DSCAML1: variants seen among roughly 807,000 people sequenced by gnomAD.
DSCAML1 encodes cell adhesion molecule DSCAML1.
In DSCAML1, 38 loss-of-function variants were observed where a neutral mutation model predicts 200.5. The ratio of observed to expected loss-of-function variants is 0.19; its 90% CI spans 0.15 to 0.25. The LOEUF is 0.25. DSCAML1 is among the 10% of genes least tolerant of loss of function. The probability of loss-of-function intolerance (pLI) is 1.00; values close to 1 mark genes in which losing one functional copy is unlikely to be tolerated. For missense variants in DSCAML1, 2,223 were observed against 2,858.8 expected, an observed-to-expected ratio of 0.78 and a Z score of 5.07; for synonymous variants, 1,215 against 1,165.0, an observed-to-expected ratio of 1.04 and a Z score of -0.87.
chr11:117,640,652 C>T (rs1056239446), intron 3 of DSCAML1, among the ~76,000 whole-genome samples: 1 of 152,142 alleles, frequency 6.6e-6, no homozygotes, highest in Non-Finnish European at 1.5e-5. Context: ...CCTTCTTGTC[C>T]CCGCCACCAT....
At chr11:117,684,164 C>A (rs931682437) in intron 3 of DSCAML1, among the ~76,000 whole-genome samples, 1 of 152,186 alleles carries the variant, frequency 6.6e-6, no homozygotes, top group African/African-American at 2.4e-5. Context: ...AGGGTGGAGC[C>A]TTCCCAAGTC....
At chr11:117,745,913 C>G (rs1265379343) in intron 3 of DSCAML1, among the ~76,000 whole-genome samples, 1 of 152,052 alleles carries the variant, frequency 6.6e-6, no homozygotes, top group East Asian at 1.9e-4. Flanking sequence ...AGGTAAGGTG[C>G]TTAGAACAGT....
chr11:117,791,090 A>G (rs2055457328), intron 1 of DSCAML1, among the ~76,000 whole-genome samples: 1 of 152,178 alleles, frequency 6.6e-6, no homozygotes, highest in African/African-American at 2.4e-5. Flanking sequence ...CCCAAGGCTA[A>G]TGCTGTTCAC....
intron 3 of DSCAML1, among the ~76,000 whole-genome samples, chr11:117,561,892 A>G (rs529768516): frequency 3.9e-5 from 6 of 152,358 alleles, no homozygotes; most frequent in Non-Finnish European, 8.8e-5. Context: ...TTTCCTCAGC[A>G]CCTTCCACAA....
chr11:117,482,610 T>C (rs1258417670), intron 11 of DSCAML1, among the ~76,000 whole-genome samples: 2 of 152,172 alleles, frequency 1.3e-5, no homozygotes, highest in African/African-American at 4.8e-5. Context: ...CCTGTAATAG[T>C]GCTGCGTATA....
intron 3 of DSCAML1, among the ~76,000 whole-genome samples, chr11:117,717,870 C>G (rs2053979487): frequency 6.6e-6 from 1 of 152,166 alleles, no homozygotes; most frequent in Non-Finnish European, 1.5e-5. Flanking sequence ...CGAGGCAATG[C>G]TGGGATGGGC....
At chr11:117,721,664 AATAT>A (rs914234364) in intron 3 of DSCAML1, among the ~76,000 whole-genome samples, 6 of 147,886 alleles carry the variant, frequency 4.1e-5, no homozygotes, top group South Asian at 2.1e-4. Flanking sequence ...AAATATATGT[AATAT>A]ATAAATATAT....
chr11:117,524,877 T>C lies in DSCAML1; in HGVS notation c.865A>G (p.Ser289Gly), dbSNP rs777153669. The C allele has an allele frequency of 1.2e-6, 2 of 1,609,876 alleles. No homozygotes were observed. The highest frequency in any genetic ancestry group is 1.7e-6 in the Non-Finnish European group (2 of 1,178,310). ...LTISDLRTED[S>G]GTYICEVTNT... ...GTGACCTCACAAATGTAGGTGCCGC[T>C]GTCCTCGGTCCGCAAGTCGCTGATG... The change falls in exon 5 of 33, where the codon AGC (serine) becomes GGC (glycine). Residue 289 changes from serine to glycine, a missense_variant. By Grantham distance (56) the Ser-to-Gly change is moderately conservative. This residue lies in a region of DSCAML1 where 579 missense variants were observed against 721.5 expected (regional missense o/e 0.80). Coordinates refer to ENST00000651296, the MANE Select transcript of DSCAML1 (RefSeq NM_020693.4).
intron 3 of DSCAML1, among the ~76,000 whole-genome samples, chr11:117,675,461 C>T (rs931795230): frequency 6.5e-4 from 92 of 141,760 alleles, no homozygotes; most frequent in Admixed American, 1.0e-3. Context: ...CTATGCCTGG[C>T]TGATTGAAAT....
intron 3 of DSCAML1, among the ~76,000 whole-genome samples, chr11:117,761,520 A>C (rs968445580): frequency 6.6e-6 from 1 of 152,232 alleles, no homozygotes; most frequent in African/African-American, 2.4e-5. Flanking sequence ...TCTTACTGCT[A>C]TGTGACCTTG....
At chr11:117,440,920 C>CAAAAAAAAAAAAAA (rs1170541792) in intron 21 of DSCAML1, among the ~76,000 whole-genome samples, 2 of 41,112 alleles carry the variant, frequency 4.9e-5, no homozygotes, top group African/African-American at 9.0e-5. Flanking sequence ...GACTCTGTCT[C>CAAAAAAAAAAAAAA]AAAAAAAAAA....
intron 26 of DSCAML1, among the ~76,000 whole-genome samples, chr11:117,436,503 C>T (rs11216385): frequency 0.25 from 37,886 of 151,466 alleles, 5,330 homozygotes; most frequent in African/African-American, 0.37. Context: ...CCTTCCATGT[C>T]CCTTCAATGG....
intron 3 of DSCAML1, among the ~76,000 whole-genome samples, chr11:117,556,869 A>G (rs56258978): frequency 6.6e-6 from 1 of 152,336 alleles, no homozygotes; most frequent in Non-Finnish European, 1.5e-5. Context: ...CGACATGCCC[A>G]CATCTTCTTA....
At chr11:117,788,933 T>C (rs983252298) in intron 1 of DSCAML1, among the ~76,000 whole-genome samples, 6 of 152,308 alleles carry the variant, frequency 3.9e-5, no homozygotes, top group South Asian at 2.1e-4. Context: ...AAGAGATCAA[T>C]TGGGGTATGA....
chr11:117,684,718 T>C (rs1014673830), intron 3 of DSCAML1, among the ~76,000 whole-genome samples: 7 of 152,348 alleles, frequency 4.6e-5, no homozygotes, highest in African/African-American at 1.7e-4. Context: ...AAGCCAAGAA[T>C]GTAAAATTGA....
At chr11:117,458,108 G>A (rs1390113107) in intron 19 of DSCAML1, among the ~76,000 whole-genome samples, 1 of 152,200 alleles carries the variant, frequency 6.6e-6, no homozygotes, top group African/African-American at 2.4e-5. Flanking sequence ...TCCAGGCCTG[G>A]GTGGAAGCCT....
chr11:117,462,634 T>C lies in DSCAML1; in HGVS notation c.3266-1038A>G, dbSNP rs568724779. ...CTCTTTGAGAATGATTATTGTTTCA[T>C]ATTACTTAGGTGTAAAAATATAAGC... On this transcript the variant is annotated intron_variant, in intron 17 of 32. Transcript: ENST00000651296. Among the ~76,000 whole-genome samples, 26 of 152,368 alleles carry C rather than the reference T, an allele frequency of 1.7e-4. No homozygotes were observed. In the South Asian group the frequency reaches 5.2e-3, roughly 30 times the overall value.
rs1022337896 is a variant in DSCAML1, at chr11:117,463,539, G to T, written c.3265+1403C>A. ...CCAGGAGGTCTGCTTTGTGCTCAGGGCTGGGAACCAGGTGTTAGGGCACTG... is the reference window on the plus strand; with the variant it reads ...CCAGGAGGTCTGCTTTGTGCTCAGGTCTGGGAACCAGGTGTTAGGGCACTG... On this transcript the variant is annotated intron_variant, in intron 17 of 32. Coordinates refer to ENST00000651296, the MANE Select transcript of DSCAML1 (RefSeq NM_020693.4). This position sits in a 1 kb window ranked among gnomAD's most constrained non-coding sequence, Gnocchi z 4.0. Among the ~76,000 whole-genome samples, 1 of 152,114 alleles carries T rather than the reference G, an allele frequency of 6.6e-6. No individual in the cohort carries two copies. The highest frequency in any genetic ancestry group is 6.5e-5 in the Admixed American group (1 of 15,270).
intron 3 of DSCAML1, among the ~76,000 whole-genome samples, chr11:117,602,745 G>A (rs1051371292): frequency 1.3e-5 from 2 of 152,144 alleles, no homozygotes; most frequent in Non-Finnish European, 2.9e-5. Flanking sequence ...TTGATTGGTT[G>A]CCAGCCCCTC....
Sources: allele counts gnomAD v4.1 joint callset (sites outside exome capture counted in the v4.1 genomes callset), GRCh38; gene constraint gnomAD v4.1.1; regional missense constraint gnomAD v4.1.1; non-coding constraint Gnocchi (gnomAD v3.1); transcripts MANE v1.5; gene names NCBI Gene and HGNC (gene_info 2026-07-23, HGNC 2026-07-21).